The following CYSTM1 variants were observed in gnomAD, a reference collection of about 807,000 sequenced individuals.
CYSTM1 encodes the protein cysteine rich transmembrane module containing 1, also known as cysteine-rich transmembrane module-containing protein 1.
Under a neutral mutation model 13.1 loss-of-function variants are expected in CYSTM1, and 4 were observed. That is an observed-to-expected ratio of 0.31 (90% CI 0.15 to 0.70). CYSTM1 has a LOEUF of 0.70. Ranked by LOEUF, CYSTM1 falls within the 30% of genes least tolerant of loss-of-function variation. The pLI is 0.72. For synonymous variants in CYSTM1, 36 were observed against 42.7 expected, an observed-to-expected ratio of 0.84 and a Z score of 0.62; for missense variants, 96 against 121.6, an observed-to-expected ratio of 0.79 and a Z score of 0.99.
intron 2 of CYSTM1, among the ~76,000 whole-genome samples, chr5:140,235,555 G>A (rs554001225): frequency 8.6e-4 from 130 of 151,682 alleles, no homozygotes; most frequent in African/African-American, 2.8e-3. Flanking sequence ...ACAGGCGCCC[G>A]CCACCATGTC....
At chr5:140,207,316 C>G (rs962614812) in intron 2 of CYSTM1, among the ~76,000 whole-genome samples, 1 of 152,194 alleles carries the variant, frequency 6.6e-6, no homozygotes, top group Non-Finnish European at 1.5e-5. Context: ...TCAGCTATCT[C>G]GAGGGCTTCC....
intron 2 of CYSTM1, among the ~76,000 whole-genome samples, chr5:140,223,415 G>A (rs2126667939): frequency 6.6e-6 from 1 of 152,328 alleles, no homozygotes; most frequent in South Asian, 2.1e-4. Flanking sequence ...GCTTTTTACA[G>A]ATGTTGATAC....
intron 2 of CYSTM1, among the ~76,000 whole-genome samples, chr5:140,236,093 A>G (rs1324009274): frequency 6.6e-6 from 1 of 152,112 alleles, no homozygotes; most frequent in Non-Finnish European, 1.5e-5. Context: ...GCCCCCATAA[A>G]CTATTTGAGA....
At chr5:140,233,610 G>C (rs1159492656) in intron 2 of CYSTM1, among the ~76,000 whole-genome samples, 1 of 152,210 alleles carries the variant, frequency 6.6e-6, no homozygotes, top group Admixed American at 6.5e-5. Flanking sequence ...TAATGAATGA[G>C]AGTTCCGGTG....
At chr5:140,199,767 G>C (rs186016944) in intron 2 of CYSTM1, among the ~76,000 whole-genome samples, 1 of 152,276 alleles carries the variant, frequency 6.6e-6, no homozygotes. Flanking sequence ...GATTACATGC[G>C]TGAGCCACGG....
rs1397058759 is a variant in CYSTM1 at position 140,195,213 on chromosome 5, A to G, written c.187+561A>G. 5.3e-5 allele frequency among the ~76,000 whole-genome samples: 8 copies of G among 152,342 alleles called. No individual in the cohort carries two copies. The East Asian group carries it at 1.4e-3, about 26-fold the overall frequency. ...GCCAGTCAATGAACAGTGAACAGTT[A>G]TGGACTATATTATATGTACAGAAAG... On this transcript the variant is annotated intron_variant, in intron 2 of 2. Transcript: ENST00000261811.
rs1386291147 is a variant in CYSTM1 at position 140,239,382 on chromosome 5, T to G, written c.188-3923T>G. On this transcript the variant is annotated intron_variant, in intron 2 of 2. Transcript: ENST00000261811. This position sits in a 1 kb window ranked among gnomAD's most constrained non-coding sequence, Gnocchi z 5.4. The stretch of plus-strand genomic sequence containing the variant: ...CCCATGTGAATGTCATCTCTGGGAA[T>G]GTACAATACAGTAGTCCTAGATCCT... Among the ~76,000 whole-genome samples the G allele has an allele frequency of 1.3e-5, 2 of 152,114 alleles. No homozygotes were observed. Among genetic ancestry groups the G allele is most frequent in the African/African-American group, 4.8e-5 (2 of 41,416 alleles).
intron 1 of CYSTM1, among the ~76,000 whole-genome samples, chr5:140,176,100 G>T (rs1763880361): frequency 6.6e-6 from 1 of 152,162 alleles, no homozygotes; most frequent in Admixed American, 6.5e-5. Flanking sequence ...GGAGGATTAG[G>T]AAAGGACCCT....
intron 2 of CYSTM1, among the ~76,000 whole-genome samples, chr5:140,210,096 A>T (rs1257468004): frequency 6.6e-6 from 1 of 152,202 alleles, no homozygotes; most frequent in East Asian, 1.9e-4. Flanking sequence ...TTTAATTATC[A>T]TAATTCACAC....
intron 2 of CYSTM1, among the ~76,000 whole-genome samples, chr5:140,220,581 T>G (rs1352602180): frequency 1.3e-5 from 2 of 152,158 alleles, no homozygotes; most frequent in African/African-American, 2.4e-5. Context: ...GTCTGTGAGC[T>G]GCCTGAGTCA....
intron 2 of CYSTM1, among the ~76,000 whole-genome samples, chr5:140,214,763 G>A (rs904909873): frequency 6.0e-5 from 9 of 149,596 alleles, no homozygotes; most frequent in African/African-American, 2.3e-4. Context: ...AAATTGGAAG[G>A]CACAGGTGGG....
At position 140,219,098 on chromosome 5, in the gene CYSTM1, C is replaced by G. The variant is rs1764461876; in HGVS notation, c.188-24207C>G. Among the ~76,000 whole-genome samples, 2 of 152,288 alleles carry G rather than the reference C, an allele frequency of 1.3e-5. No homozygotes were observed. The highest frequency in any genetic ancestry group is 4.1e-4 in the South Asian group (2 of 4,820). On this transcript the variant is annotated intron_variant, in intron 2 of 2. Coordinates refer to ENST00000261811, the MANE Select transcript of CYSTM1 (RefSeq NM_032412.4). This position sits in a 1 kb window ranked among gnomAD's most constrained non-coding sequence, Gnocchi z 4.1. ...TTGTTTCCCTAAACTCTGGCCCTGT[C>G]TTCCAGGGCCAGAGTCCTAGTTACA...
intron 1 of CYSTM1, among the ~76,000 whole-genome samples, chr5:140,192,504 G>A (rs1341600489): frequency 6.6e-6 from 1 of 152,130 alleles, no homozygotes; most frequent in African/African-American, 2.4e-5. Flanking sequence ...AAAGTCATCT[G>A]GAATCCCATT....
chr5:140,199,609 GC>G (rs201399426), intron 2 of CYSTM1, among the ~76,000 whole-genome samples: 1,755 of 152,314 alleles, frequency 0.012, 48 homozygotes, highest in African/African-American at 0.04. Flanking sequence ...TCCTGCCTCA[GC>G]CCCCTGAGTA....
chr5:140,239,715 A>G lies in CYSTM1; in HGVS notation c.188-3590A>G, dbSNP rs1764724356. On this transcript the variant is annotated intron_variant, in intron 2 of 2. Transcript: ENST00000261811. The surrounding 1 kb of genome is among the most constrained non-coding windows in gnomAD (Gnocchi z 5.4). ...TTCCCCACCCCACACTTGTGTTTGC[A>G]TCCATGTGGCAAAGCTCTGGGTGCC... is the stretch of plus-strand genomic sequence containing the variant. Among the ~76,000 whole-genome samples the G allele has an allele frequency of 6.6e-6, 1 of 152,124 alleles. No individual in the cohort carries two copies. The highest frequency in any genetic ancestry group is 1.5e-5 in the Non-Finnish European group (1 of 68,020).
intron 2 of CYSTM1, among the ~76,000 whole-genome samples, chr5:140,198,796 C>G (rs560690221): frequency 1.3e-5 from 2 of 152,342 alleles, no homozygotes; most frequent in South Asian, 4.1e-4. Context: ...ACCATCACCA[C>G]TATCATAATT....
At chr5:140,177,068 C>CA (rs1161281232) in intron 1 of CYSTM1, among the ~76,000 whole-genome samples, 1,109 of 87,928 alleles carry the variant, frequency 0.013, 55 homozygotes, top group South Asian at 0.05. Flanking sequence ...GACTCTGTCT[C>CA]AAAAAAAAAA....
intron 2 of CYSTM1, among the ~76,000 whole-genome samples, chr5:140,231,621 C>G (rs373916159): frequency 6.6e-6 from 1 of 152,314 alleles, no homozygotes. Context: ...AAAAGGGGAA[C>G]AATCTGGCAC....
rs1177324849 is a variant in CYSTM1 at position 140,239,081 on chromosome 5, C to A, written c.188-4224C>A. On this transcript the variant is annotated intron_variant, in intron 2 of 2. Coordinates refer to ENST00000261811, the MANE Select transcript of CYSTM1 (RefSeq NM_032412.4). This position sits in a 1 kb window ranked among gnomAD's most constrained non-coding sequence, Gnocchi z 5.4. Reference sequence around the variant, plus strand: ...GCTCTGGTCTTTCTGTTTGCCTTTCCCGCCTAGCTCTCTTGGGTTGGGACT... The same window carrying A: ...GCTCTGGTCTTTCTGTTTGCCTTTCACGCCTAGCTCTCTTGGGTTGGGACT... 6.6e-6 allele frequency among the ~76,000 whole-genome samples: 1 copy of A among 152,160 alleles called. No individual in the cohort carries two copies. The highest frequency in any genetic ancestry group is 1.5e-5 in the Non-Finnish European group (1 of 68,020).
Sources: gnomAD v4.1 joint callset for allele counts (sites outside exome capture counted in the v4.1 genomes callset) on GRCh38, gnomAD v4.1.1 for gene constraint, Gnocchi (gnomAD v3.1) non-coding constraint, MANE v1.5 for transcripts, NCBI Gene and HGNC (gene_info 2026-07-23, HGNC 2026-07-21) for gene names.